Variants in LRPPRC observed in about 807,000 individuals in gnomAD.
LRPPRC encodes leucine rich pentatricopeptide repeat containing, also known as leucine-rich PPR motif-containing protein, mitochondrial.
In LRPPRC, 120 loss-of-function variants were observed where a neutral mutation model predicts 180.3. The ratio of observed to expected loss-of-function variants is 0.67; its 90% CI spans 0.57 to 0.77. LRPPRC has a LOEUF of 0.77. LRPPRC is among the 30% of genes least tolerant of loss of function. The probability of loss-of-function intolerance (pLI) is 0.00; values close to 1 mark genes in which losing one functional copy is unlikely to be tolerated. For synonymous variants in LRPPRC, 723 were observed against 600.0 expected (o/e 1.21, Z -3.00); for missense variants, 2,012 against 1,657.2 (o/e 1.21, Z -3.72).
At chr2:43,911,651 T>G (rs531199589) in intron 30 of LRPPRC, among the ~76,000 whole-genome samples, 4 of 151,444 alleles carry the variant, frequency 2.6e-5, no homozygotes, top group Admixed American at 2.6e-4. Flanking sequence ...CTCAGCCTTT[T>G]GAGTAGCTGG....
chr2:43,959,034 T>C, intron 13 of LRPPRC: 1 of 537,274 alleles, frequency 1.9e-6, no homozygotes, highest in East Asian at 2.9e-5. Flanking sequence ...ACATCTCAGC[T>C]ATGAAGGCTG....
chr2:43,993,342 A>T (rs1376135175), intron 1 of LRPPRC, among the ~76,000 whole-genome samples: 1 of 152,218 alleles, frequency 6.6e-6, no homozygotes, highest in Non-Finnish European at 1.5e-5. Flanking sequence ...GAGGCACCTT[A>T]AGGAATAATT....
At chr2:43,901,147 AG>A (rs1037035361) in intron 32 of LRPPRC, among the ~76,000 whole-genome samples, 172 bp downstream of exon 32, 1 of 152,226 alleles carries the variant, frequency 6.6e-6, no homozygotes, top group Non-Finnish European at 1.5e-5. Flanking sequence ...TTTAAGGTAA[AG>A]AAAAAACATA....
chr2:43,993,923 A>G (rs1171739864), intron 1 of LRPPRC, among the ~76,000 whole-genome samples: 5 of 152,202 alleles, frequency 3.3e-5, no homozygotes, highest in Non-Finnish European at 7.3e-5. Flanking sequence ...GCCTTTACAG[A>G]TAATGAAACT....
rs1442690175 is a variant in LRPPRC, at chr2:43,943,791, A to G, written c.2400T>C (p.Gly800=). 2 of 1,613,396 alleles carry G rather than the reference A, an allele frequency of 1.2e-6. No individual in the cohort carries two copies. Among genetic ancestry groups the G allele is most frequent in the South Asian group, 2.2e-5 (2 of 91,064 alleles). The change falls in exon 23 of 38, where the codon GGT becomes GGC. Residue 800 remains glycine (G), a synonymous_variant. Transcript: ENST00000260665. ...GCAACTGTTTTACTGTTTCAATTTC[A>G]CCTCTTAAAGCTGCGCCATTTAGCA... The part of the protein sequence containing the change: ...FHMLNGAALR[G]EIETVKQLHE...
intron 25 of LRPPRC, among the ~76,000 whole-genome samples, chr2:43,933,612 C>A (rs1239850569): frequency 6.6e-6 from 1 of 152,010 alleles, no homozygotes; most frequent in Non-Finnish European, 1.5e-5. Flanking sequence ...TTCCACTAAG[C>A]AAAATTTAGT....
Position 43,963,617 on chromosome 2 carries a change from T to G in LRPPRC, c.1459A>C (p.Ser487Arg), listed in dbSNP as rs757547123. 2 of 1,610,044 alleles carry G rather than the reference T, an allele frequency of 1.2e-6. No homozygotes were observed. The highest frequency in any genetic ancestry group is 2.2e-5 in the South Asian group (2 of 90,986). The change falls in exon 12 of 38, where the codon AGT becomes CGT. Residue 487 changes from serine to arginine, a missense_variant. Ser to Arg is a moderately radical substitution (Grantham distance 110, BLOSUM62 -1). Coordinates refer to ENST00000260665, the MANE Select transcript of LRPPRC (RefSeq NM_133259.4). ...YTDYVIPCFD[S>R]VNSARAILQE... ...AAAATGGCTCGTGCTGAGTTTACAC[T>G]ATCAAAGCATGGAATCACATAATCT...
intron 23 of LRPPRC, 115 bp from the exon 24 acceptor site, chr2:43,934,993 C>A: frequency 1.3e-6 from 1 of 760,674 alleles, no homozygotes; most frequent in Non-Finnish European, 2.1e-6. Flanking sequence ...CTGAGCTTTA[C>A]TTAAGGTAGA....
intron 1 of LRPPRC, among the ~76,000 whole-genome samples, chr2:43,993,327 C>T (rs1281739122): frequency 6.6e-6 from 1 of 152,182 alleles, no homozygotes; most frequent in African/African-American, 2.4e-5. Context: ...TTGCAACTGT[C>T]CCTCGAGGCA....
intron 6 of LRPPRC, 39 bp downstream of exon 6, chr2:43,976,104 T>C (rs753583119): frequency 1.7e-6 from 2 of 1,177,882 alleles, no homozygotes; most frequent in Non-Finnish European, 2.6e-6. Context: ...ATCTCAGCCA[T>C]CTATCACTTA....
intron 11 of LRPPRC, among the ~76,000 whole-genome samples, chr2:43,972,923 T>G (rs1342923694): frequency 6.6e-6 from 1 of 152,222 alleles, no homozygotes; most frequent in Non-Finnish European, 1.5e-5. Context: ...AGCATCTTTT[T>G]ATGAGACTAC....
intron 2 of LRPPRC, among the ~76,000 whole-genome samples, chr2:43,981,533 G>A (rs780084437): frequency 1.1e-4 from 17 of 151,860 alleles, no homozygotes; most frequent in Non-Finnish European, 1.3e-4. Context: ...GGCATGCATC[G>A]GTAGTCCCAG....
chr2:43,940,542 C>CGTTATGTT (rs1443943734), intron 23 of LRPPRC, among the ~76,000 whole-genome samples: 1 of 152,016 alleles, frequency 6.6e-6, no homozygotes, highest in African/African-American at 2.4e-5. Context: ...TGTACATATA[C>CGTTATGTT]AGATTATAAC....
At chr2:43,975,689 G>A (rs979629052) in intron 6 of LRPPRC, among the ~76,000 whole-genome samples, 37 of 151,310 alleles carry the variant, frequency 2.4e-4, no homozygotes, top group African/African-American at 7.5e-4. Context: ...TTCAAGCAAC[G>A]CTCCTGCCTC....
chr2:43,925,801 T>C (rs1177038400), intron 26 of LRPPRC, 92 bp downstream of exon 26: 8 of 834,192 alleles, frequency 9.6e-6, no homozygotes, highest in Admixed American at 1.7e-5. Context: ...ATGCCCTGTC[T>C]CTCGAAGTCC....
intron 3 of LRPPRC, among the ~76,000 whole-genome samples, chr2:43,978,498 T>A (rs188850770): frequency 3.2e-4 from 48 of 152,292 alleles, no homozygotes; most frequent in Non-Finnish European, 1.5e-5. Context: ...AATGCTTTTT[T>A]CTATTTTAGA....
intron 1 of LRPPRC, 44 bp from the exon 2 acceptor site, chr2:43,982,478 T>A: frequency 1.4e-6 from 2 of 1,451,910 alleles, no homozygotes; most frequent in East Asian, 4.5e-5. Context: ...TGCTATCTAT[T>A]TAGGTCATTT....
intron 24 of LRPPRC, 90 bp downstream of exon 24, chr2:43,934,664 C>A (rs1438001496): frequency 5.4e-6 from 6 of 1,106,298 alleles, no homozygotes; most frequent in East Asian, 2.4e-5. Context: ...AATGTGCTGG[C>A]CTTCTGCTGG....
intron 20 of LRPPRC, among the ~76,000 whole-genome samples, 179 bp from the exon 21 acceptor site, chr2:43,946,422 G>A (rs544911695): frequency 6.6e-6 from 1 of 152,130 alleles, no homozygotes; most frequent in Admixed American, 6.5e-5. Flanking sequence ...AAGTGGGCAA[G>A]TCTTACACGT....
Sources: allele counts gnomAD v4.1 joint callset (sites outside exome capture counted in the v4.1 genomes callset), GRCh38; gene constraint gnomAD v4.1.1; transcripts MANE v1.5; gene names NCBI Gene and HGNC (gene_info 2026-07-23, HGNC 2026-07-21).